Variants in SPMIP2 observed in about 807,000 individuals in gnomAD.
SPMIP2 encodes sperm microtubule inner protein 2.
At chr4:159,026,058 T>C in the SPMIP2 span, 1 of 181,898 alleles carries the variant, frequency 5.5e-6, no homozygotes, top group Non-Finnish European at 1.2e-5. Context: ...AAAGAAGTGA[T>C]ATTCACAGTG....
At chr4:158,912,846 G>T in the SPMIP2 span, among the ~76,000 whole-genome samples, 1 of 152,142 alleles carries the variant, frequency 6.6e-6, no homozygotes, top group Non-Finnish European at 1.5e-5. Flanking sequence ...TCAGTATTTT[G>T]TTTATTTCTG....
chr4:159,044,717 T>C, the SPMIP2 span, among the ~76,000 whole-genome samples: 10 of 152,198 alleles, frequency 6.6e-5, no homozygotes, highest in Non-Finnish European at 1.5e-4. Flanking sequence ...TTAATTTTAT[T>C]TGTTACCTCC....
At chr4:158,947,270 GA>G in the SPMIP2 span, among the ~76,000 whole-genome samples, 2 of 150,676 alleles carry the variant, frequency 1.3e-5, no homozygotes, top group Non-Finnish European at 3.0e-5. Flanking sequence ...ACAACTCCAA[GA>G]AAAAAAAAGC....
chr4:159,036,502 GTTC>G, the SPMIP2 span, among the ~76,000 whole-genome samples: 5 of 152,320 alleles, frequency 3.3e-5, no homozygotes, highest in South Asian at 4.1e-4. Context: ...AGCCCTTACA[GTTC>G]TTCTTCTTCC....
At chr4:159,040,725 C>G in the SPMIP2 span, among the ~76,000 whole-genome samples, 1 of 152,184 alleles carries the variant, frequency 6.6e-6, no homozygotes, top group Admixed American at 6.5e-5. Flanking sequence ...CTCAGCCTCC[C>G]AAAGTTGTGA....
At chr4:158,985,078 A>C in the SPMIP2 span, among the ~76,000 whole-genome samples, 1 of 149,066 alleles carries the variant, frequency 6.7e-6, no homozygotes, top group Non-Finnish European at 1.5e-5. Context: ...CCAAGACTAA[A>C]CCAGGAAGAA....
At chr4:158,934,960 T>C in the SPMIP2 span, among the ~76,000 whole-genome samples, 1 of 152,220 alleles carries the variant, frequency 6.6e-6, no homozygotes, top group Non-Finnish European at 1.5e-5. Flanking sequence ...CTATTATATA[T>C]CAGGTATTCT....
the SPMIP2 span, among the ~76,000 whole-genome samples, chr4:159,021,592 C>T: frequency 6.6e-6 from 1 of 152,238 alleles, no homozygotes; most frequent in Non-Finnish European, 1.5e-5. Context: ...CAGCATCTTC[C>T]TTCCTTCAGA....
the SPMIP2 span, among the ~76,000 whole-genome samples, chr4:158,903,422 G>T: frequency 6.6e-6 from 1 of 152,092 alleles, no homozygotes; most frequent in East Asian, 1.9e-4. Flanking sequence ...GTTCCTATTC[G>T]GCCGTCTTGC....
chr4:158,972,967 A>G, the SPMIP2 span: 3 of 721,948 alleles, frequency 4.2e-6, no homozygotes, highest in East Asian at 8.1e-5. Context: ...CTCAAACCTC[A>G]TTATGTCTCA....
chr4:159,038,737 AG>A, the SPMIP2 span: 1 of 152,320 alleles, frequency 6.6e-6, no homozygotes, highest in Admixed American at 6.6e-5. Context: ...GAGAATGACT[AG>A]GATCTAGACA....
At chr4:158,991,065 A>C in the SPMIP2 span, among the ~76,000 whole-genome samples, 5 of 152,156 alleles carry the variant, frequency 3.3e-5, no homozygotes, top group African/African-American at 1.2e-4. Flanking sequence ...GGCACATGCC[A>C]CCAAGCTCTG....
At chr4:158,965,725 G>A in the SPMIP2 span, among the ~76,000 whole-genome samples, 1 of 151,110 alleles carries the variant, frequency 6.6e-6, no homozygotes, top group East Asian at 1.9e-4. Context: ...AGCTGGGAGT[G>A]GACAAATTGC....
the SPMIP2 span, among the ~76,000 whole-genome samples, chr4:159,018,535 T>C: frequency 6.6e-6 from 1 of 152,160 alleles, no homozygotes; most frequent in Non-Finnish European, 1.5e-5. Context: ...ATTAATGATA[T>C]AAAACTGGAC....
chr4:158,963,961 C>T, the SPMIP2 span, among the ~76,000 whole-genome samples: 1 of 152,016 alleles, frequency 6.6e-6, no homozygotes, highest in African/African-American at 2.4e-5. Flanking sequence ...CAAGACCATC[C>T]TGGCTGATAC....
chr4:158,953,396 A>C, the SPMIP2 span, among the ~76,000 whole-genome samples: 1 of 152,232 alleles, frequency 6.6e-6, no homozygotes, highest in Non-Finnish European at 1.5e-5. Flanking sequence ...AGTACACATA[A>C]GTCAAGAATT....
the SPMIP2 span, among the ~76,000 whole-genome samples, chr4:158,931,573 C>T: frequency 1.3e-4 from 19 of 151,648 alleles, no homozygotes; most frequent in African/African-American, 3.9e-4. Flanking sequence ...TTATCATCAT[C>T]ATTATTATTA....
At chr4:159,077,967 A>C in the SPMIP2 span, among the ~76,000 whole-genome samples, 4 of 152,234 alleles carry the variant, frequency 2.6e-5, no homozygotes, top group African/African-American at 9.6e-5. Flanking sequence ...GATGTAATCA[A>C]GAGTCTCAAG....
chr4:158,942,011 A>C, the SPMIP2 span, among the ~76,000 whole-genome samples: 4 of 152,204 alleles, frequency 2.6e-5, no homozygotes, highest in African/African-American at 9.6e-5. Context: ...TGAAGATCCT[A>C]GCTCTGCTCA....
Sources: allele counts gnomAD v4.1 joint callset (sites outside exome capture counted in the v4.1 genomes callset), GRCh38; gene constraint gnomAD v4.1.1; transcripts MANE v1.5; gene names NCBI Gene and HGNC (gene_info 2026-07-23, HGNC 2026-07-21).